The following ULK4 variants were observed in gnomAD, a reference collection of about 807,000 sequenced individuals.
ULK4 encodes inactive serine/threonine-protein kinase ULK4.
In ULK4, 133 loss-of-function variants were observed where a neutral mutation model predicts 160.6. The observed-to-expected ratio is 0.83, with a 90% CI of 0.72 to 0.96. ULK4 has a LOEUF of 0.96. ULK4 is among the 40% of genes least tolerant of loss of function. ULK4 has a pLI of 0.00. For missense variants in ULK4, 1,580 were observed against 1,499.5 expected (o/e 1.05, Z -0.89); for synonymous variants, 534 against 539.8 (o/e 0.99, Z 0.15).
At chr3:41,599,834 G>C (rs1411716291) in intron 31 of ULK4, among the ~76,000 whole-genome samples, 2 of 151,828 alleles carry the variant, frequency 1.3e-5, no homozygotes, top group African/African-American at 2.4e-5. Flanking sequence ...CAAAGTGCTG[G>C]GATTACAGGC....
At chr3:41,494,638 T>A (rs1280256858) in intron 32 of ULK4, among the ~76,000 whole-genome samples, 1 of 152,164 alleles carries the variant, frequency 6.6e-6, no homozygotes, top group African/African-American at 2.4e-5. Flanking sequence ...GGAAGTCAAA[T>A]TGTCCCTGTT....
At chr3:41,550,184 A>G (rs1337854976) in intron 32 of ULK4, among the ~76,000 whole-genome samples, 1 of 152,108 alleles carries the variant, frequency 6.6e-6, no homozygotes. Context: ...ATAAAGCCTA[A>G]GTAGTTATTA....
intron 17 of ULK4, among the ~76,000 whole-genome samples, chr3:41,858,143 GTTTGT>G (rs1453399631): frequency 1.3e-5 from 1 of 74,838 alleles, no homozygotes; most frequent in African/African-American, 9.7e-5. Flanking sequence ...GGTTTTTTTT[GTTTGT>G]TTTTTTTTTT....
chr3:41,825,761 C>A (rs946907179), intron 18 of ULK4, among the ~76,000 whole-genome samples: 1 of 151,952 alleles, frequency 6.6e-6, no homozygotes, highest in Non-Finnish European at 1.5e-5. Flanking sequence ...GAGAATTTCC[C>A]CAATCTAGCA....
chr3:41,902,366 T>G (rs1335578071), intron 12 of ULK4, among the ~76,000 whole-genome samples: 3 of 150,438 alleles, frequency 2.0e-5, no homozygotes, highest in African/African-American at 4.9e-5. Context: ...CATCACGAGG[T>G]CAGGAGTTCG....
At chr3:41,903,958 T>C (rs1181686580) in intron 12 of ULK4, among the ~76,000 whole-genome samples, 3 of 147,590 alleles carry the variant, frequency 2.0e-5, no homozygotes, top group Admixed American at 1.4e-4. Context: ...ACTACAATTG[T>C]GCCACTGCAC....
intron 35 of ULK4, among the ~76,000 whole-genome samples, chr3:41,327,229 A>C (rs932797421): frequency 6.6e-6 from 1 of 152,224 alleles, no homozygotes; most frequent in African/African-American, 2.4e-5. Flanking sequence ...CATCCTGAGC[A>C]ATCTATTGGA....
intron 35 of ULK4, among the ~76,000 whole-genome samples, chr3:41,330,597 A>C (rs1488262416): frequency 6.6e-6 from 1 of 152,210 alleles, no homozygotes; most frequent in Non-Finnish European, 1.5e-5. Context: ...AGAGGGTCAG[A>C]GCCAAGTCAT....
intron 35 of ULK4, among the ~76,000 whole-genome samples, chr3:41,282,145 A>C (rs140742523): frequency 6.6e-6 from 1 of 152,302 alleles, no homozygotes; most frequent in Admixed American, 6.5e-5. Flanking sequence ...CTCAATGAAA[A>C]AAAAGAGAAC....
intron 35 of ULK4, among the ~76,000 whole-genome samples, chr3:41,282,201 G>A (rs935982870): frequency 3.9e-5 from 6 of 152,094 alleles, no homozygotes; most frequent in African/African-American, 1.2e-4. Context: ...AGGAAGAATT[G>A]ATATCGTGAA....
chr3:41,735,655 T>C (rs1009744822), intron 22 of ULK4, among the ~76,000 whole-genome samples: 2 of 151,350 alleles, frequency 1.3e-5, no homozygotes, highest in African/African-American at 2.4e-5. Context: ...ACACTACAGT[T>C]TTCTCCTTGC....
At position 41,766,225 on chromosome 3, in the gene ULK4, G is replaced by A. The variant is rs1300827753; in HGVS notation, c.2194-11737C>T. Among the ~76,000 whole-genome samples, 11 of 152,130 alleles carry A rather than the reference G, an allele frequency of 7.2e-5. No homozygotes were observed. The East Asian group carries it at 7.7e-4, about 11-fold the overall frequency. ...AGAGGTTGCAGTAAGCCAAAATCAC[G>A]CCACTGCACTCCAGCCTGGGCGTCA... is the stretch of plus-strand genomic sequence containing the variant. On this transcript the variant is annotated intron_variant, in intron 21 of 36. Transcript: ENST00000301831.
At chr3:41,577,767 C>A (rs1179154529) in intron 31 of ULK4, among the ~76,000 whole-genome samples, 1 of 152,140 alleles carries the variant, frequency 6.6e-6, no homozygotes, top group Non-Finnish European at 1.5e-5. Context: ...AAAATTGCAT[C>A]TTCCTTTCCC....
chr3:41,831,361 A>G (rs1053466101), intron 18 of ULK4, among the ~76,000 whole-genome samples: 2 of 151,150 alleles, frequency 1.3e-5, no homozygotes, highest in Non-Finnish European at 2.9e-5. Context: ...ACTGAGAAAT[A>G]TATCTATGTT....
At chr3:41,425,977 C>T (rs966216133) in intron 34 of ULK4, among the ~76,000 whole-genome samples, 1 of 152,108 alleles carries the variant, frequency 6.6e-6, no homozygotes, top group African/African-American at 2.4e-5. Flanking sequence ...TTAAAAGGCA[C>T]AGAATGGCAA....
chr3:41,403,938 T>C (rs529231462), intron 34 of ULK4, among the ~76,000 whole-genome samples: 3 of 152,300 alleles, frequency 2.0e-5, no homozygotes, highest in South Asian at 2.1e-4. Flanking sequence ...TCTATTGTTA[T>C]TAGAGAACAA....
chr3:41,367,599 C>T lies in ULK4; in HGVS notation c.3678+30480G>A, dbSNP rs1265439052. Among the ~76,000 whole-genome samples, 12 of 152,280 alleles carry T rather than the reference C, an allele frequency of 7.9e-5. 2 individuals are homozygous for T. Among genetic ancestry groups the T allele is most frequent in the Middle Eastern group, 6.8e-3 (2 of 294 alleles). The stretch of plus-strand genomic sequence containing the variant: ...GATTCCTCCAGAACTTTTCCATAAG[C>T]CTGCTTCCTGCTTATGGTGGTATGT... On this transcript the variant is annotated intron_variant, in intron 35 of 36. Coordinates refer to ENST00000301831, the MANE Select transcript of ULK4 (RefSeq NM_017886.4).
intron 34 of ULK4, among the ~76,000 whole-genome samples, chr3:41,404,937 T>G: frequency 6.6e-6 from 1 of 152,198 alleles, no homozygotes; most frequent in East Asian, 1.9e-4. Context: ...CAGCACAAAA[T>G]GGACTAAGAA....
chr3:41,678,266 C>T (rs1306806791), intron 29 of ULK4, among the ~76,000 whole-genome samples: 4 of 151,416 alleles, frequency 2.6e-5, no homozygotes, highest in African/African-American at 9.7e-5. Flanking sequence ...AGCCATCATA[C>T]AGATATTTAT....
Sources: gnomAD v4.1 joint callset for allele counts (sites outside exome capture counted in the v4.1 genomes callset) on GRCh38, gnomAD v4.1.1 for gene constraint, MANE v1.5 for transcripts, NCBI Gene and HGNC (gene_info 2026-07-23, HGNC 2026-07-21) for gene names.